Variants in ANKFN1 observed in about 807,000 individuals in gnomAD.
ANKFN1 encodes the protein ankyrin repeat and fibronectin type III domain containing 1, also known as ankyrin repeat and fibronectin type-III domain-containing protein 1.
In ANKFN1, 74 loss-of-function variants were observed where a neutral mutation model predicts 108.7. The observed-to-expected ratio is 0.68, with a 90% CI of 0.56 to 0.83. The LOEUF (loss-of-function observed/expected upper bound fraction) is 0.83. Ranked by LOEUF, ANKFN1 falls within the 40% of genes least tolerant of loss-of-function variation. ANKFN1 has a pLI of 0.00. For missense variants in ANKFN1, 1,505 were observed against 1,382.3 expected, an observed-to-expected ratio of 1.09 and a Z score of -1.41; for synonymous variants, 547 against 516.2, an observed-to-expected ratio of 1.06 and a Z score of -0.81.
chr17:56,256,246 A>G (rs555847469), intron 3 of ANKFN1, among the ~76,000 whole-genome samples: 1 of 152,316 alleles, frequency 6.6e-6, no homozygotes, highest in South Asian at 2.1e-4. Context: ...GGAAATGGGA[A>G]AGTATTTATT....
chr17:56,396,176 C>T (rs575835833), intron 8 of ANKFN1, among the ~76,000 whole-genome samples: 5 of 152,310 alleles, frequency 3.3e-5, no homozygotes, highest in South Asian at 4.1e-4. Flanking sequence ...GGGCCAGGCA[C>T]GGTGGCTCAC....
In ANKFN1 at chr17:56,090,234, C is replaced by A. The variant is rs1474114380; in HGVS notation, c.288+43909C>A. ...GAGCCAGAATGTGAGCACTGAGTAGCAGGTGCGGGTAAGTCGTTAAGTTTC... is the reference window on the plus strand; with the variant it reads ...GAGCCAGAATGTGAGCACTGAGTAGAAGGTGCGGGTAAGTCGTTAAGTTTC... On this transcript the variant is annotated intron_variant, in intron 4 of 12. Transcript: ENST00000635860. Among the ~76,000 whole-genome samples, 12 of 151,242 alleles carry A rather than the reference C, an allele frequency of 7.9e-5. No individual in the cohort carries two copies. In the East Asian group the frequency reaches 1.6e-3, roughly 20 times the overall value.
intron 4 of ANKFN1, among the ~76,000 whole-genome samples, chr17:56,331,096 G>A (rs961574380): frequency 6.6e-6 from 1 of 152,104 alleles, no homozygotes; most frequent in Non-Finnish European, 1.5e-5. Context: ...GCAGGTTGAA[G>A]CCTTAAGGTC....
At chr17:56,313,227 T>C (rs2045098413) in intron 3 of ANKFN1, among the ~76,000 whole-genome samples, 3 of 151,260 alleles carry the variant, frequency 2.0e-5, no homozygotes, top group Admixed American at 2.0e-4. Context: ...ATTTCCTCTC[T>C]GAGGAAATGA....
At position 56,449,091 on chromosome 17, in the gene ANKFN1, A is replaced by G. The variant is rs774301354; in HGVS notation, c.1112A>G (p.Tyr371Cys). 10 of 1,613,258 alleles carry G rather than the reference A, an allele frequency of 6.2e-6. No individual in the cohort carries two copies. Among genetic ancestry groups the G allele is most frequent in the East Asian group, 2.2e-5 (1 of 44,846 alleles). ...TTTTGTTCAATAGACTGGAAAGACTATGACGACAGAGAGCCCAGACACAAG... is the reference window on the plus strand; with the variant it reads ...TTTTGTTCAATAGACTGGAAAGACTGTGACGACAGAGAGCCCAGACACAAG... ...ACASPSNWKD[Y>C]DDREPRHKGQ... The change falls in exon 11 of 21, where the codon TAT (tyrosine) becomes TGT (cysteine). Residue 371 changes from tyrosine to cysteine, a missense_variant. Transcript: ENST00000682825.
intron 17 of ANKFN1, among the ~76,000 whole-genome samples, chr17:56,481,514 A>G (rs1334952152): frequency 1.5e-4 from 18 of 123,628 alleles, no homozygotes; most frequent in Admixed American, 1.8e-4. Context: ...ACACACACGC[A>G]CACACACACA....
chr17:56,321,711 T>C (rs1018276161), intron 3 of ANKFN1, among the ~76,000 whole-genome samples: 3 of 152,228 alleles, frequency 2.0e-5, no homozygotes, highest in African/African-American at 7.2e-5. Flanking sequence ...TGAAATTCTA[T>C]ACATCATATG....
chr17:56,507,359 C>G (rs1053037863), intron 20 of ANKFN1, among the ~76,000 whole-genome samples: 14 of 152,102 alleles, frequency 9.2e-5, no homozygotes, highest in African/African-American at 3.1e-4. Flanking sequence ...TTTCTTCTTT[C>G]CTAACCCCTT....
intron 9 of ANKFN1, 98 bp downstream of exon 9, chr17:56,440,522 A>G (rs2049067038): frequency 1.1e-6 from 1 of 903,654 alleles, no homozygotes; most frequent in African/African-American, 1.6e-5. Flanking sequence ...GCCAACGCCC[A>G]GTCCTCTGGC....
At chr17:56,176,510 A>G (rs1567818852) in intron 1 of ANKFN1, among the ~76,000 whole-genome samples, 1 of 152,212 alleles carries the variant, frequency 6.6e-6, no homozygotes, top group Admixed American at 6.5e-5. Context: ...CAAGGAGTTA[A>G]GAGAACTCCA....
chr17:56,071,217 C>T (rs1905117835), intron 4 of ANKFN1, among the ~76,000 whole-genome samples: 1 of 152,194 alleles, frequency 6.6e-6, no homozygotes, highest in African/African-American at 2.4e-5. Flanking sequence ...GATCCCTTCT[C>T]TTTTTCATTT....
intron 4 of ANKFN1, among the ~76,000 whole-genome samples, chr17:56,076,039 C>T (rs1905177335): frequency 6.6e-6 from 1 of 152,194 alleles, no homozygotes; most frequent in South Asian, 2.1e-4. Context: ...TCTGGCATCT[C>T]TACCTATCTC....
rs2045594512 is a variant in ANKFN1, at chr17:56,329,024, C to T, written c.188+2669C>T. On this transcript the variant is annotated intron_variant, in intron 4 of 20. Transcript: ENST00000682825. ...GAGCTCCATACTTGGTTGTCCCCCA[C>T]CACTGTTCCTACATCCCTCCCCTTT... Among the ~76,000 whole-genome samples the T allele has an allele frequency of 4.6e-5, 7 of 152,172 alleles. 1 individual carries two copies. The highest frequency in any genetic ancestry group is 4.6e-4 in the Admixed American group (7 of 15,266).
chr17:56,288,272 T>G (rs2044270435), intron 3 of ANKFN1, among the ~76,000 whole-genome samples: 1 of 152,224 alleles, frequency 6.6e-6, no homozygotes, highest in South Asian at 2.1e-4. Flanking sequence ...AATTAATTCA[T>G]GCATAAATAA....
chr17:56,054,300 A>G (rs1336537943), intron 4 of ANKFN1, among the ~76,000 whole-genome samples: 1 of 152,204 alleles, frequency 6.6e-6, no homozygotes, highest in Non-Finnish European at 1.5e-5. Context: ...AATCCTCACA[A>G]CAGCCATGAA....
chr17:56,379,047 A>C (rs2047018463), intron 8 of ANKFN1, among the ~76,000 whole-genome samples: 1 of 152,142 alleles, frequency 6.6e-6, no homozygotes, highest in Non-Finnish European at 1.5e-5. Flanking sequence ...ATTTTGTTAA[A>C]TTTTCATCAT....
intron 1 of ANKFN1, among the ~76,000 whole-genome samples, chr17:56,167,268 T>C (rs1198166250): frequency 2.8e-5 from 1 of 35,292 alleles, no homozygotes; most frequent in African/African-American, 8.4e-5. Flanking sequence ...TGTGTATATA[T>C]ATATACATAT....
At chr17:56,391,815 C>A (rs2047447411) in intron 8 of ANKFN1, among the ~76,000 whole-genome samples, 1 of 152,138 alleles carries the variant, frequency 6.6e-6, no homozygotes, top group Non-Finnish European at 1.5e-5. Flanking sequence ...TCTATCCCTC[C>A]CACCAGGCTG....
chr17:56,241,406 G>A (rs1052650008), intron 3 of ANKFN1, among the ~76,000 whole-genome samples: 2 of 152,084 alleles, frequency 1.3e-5, no homozygotes, highest in Non-Finnish European at 2.9e-5. Context: ...CAAATAAATA[G>A]TCCATGATTT....
Sources: gnomAD v4.1 joint callset for allele counts (sites outside exome capture counted in the v4.1 genomes callset) on GRCh38, gnomAD v4.1.1 for gene constraint, MANE v1.5 for transcripts, NCBI Gene and HGNC (gene_info 2026-07-23, HGNC 2026-07-21) for gene names.